TEAD1: variants seen among roughly 807,000 people sequenced by gnomAD.
The protein encoded by TEAD1 is TEA domain transcription factor 1.
A neutral mutation model predicts 54.9 loss-of-function variants in TEAD1; 9 were observed. The ratio of observed to expected loss-of-function variants is 0.16; its 90% CI spans 0.10 to 0.29. The LOEUF is 0.29. Ranked by LOEUF, TEAD1 falls within the 10% of genes least tolerant of loss-of-function variation. The probability of loss-of-function intolerance (pLI) is 1.00; values close to 1 mark genes in which losing one functional copy is unlikely to be tolerated. For missense variants in TEAD1, 387 were observed against 535.9 expected, an observed-to-expected ratio of 0.72 and a Z score of 2.74; for synonymous variants, 200 against 187.8, an observed-to-expected ratio of 1.07 and a Z score of -0.53.
chr11:12,704,715 TC>T (rs1455325171), intron 2 of TEAD1, among the ~76,000 whole-genome samples: 1 of 152,234 alleles, frequency 6.6e-6, no homozygotes, highest in Non-Finnish European at 1.5e-5. Context: ...TATCTTTGTA[TC>T]CTGCTTGGCA....
intron 9 of TEAD1, among the ~76,000 whole-genome samples, chr11:12,900,790 T>TG (rs1428211615): frequency 6.6e-6 from 1 of 152,172 alleles, no homozygotes; most frequent in Non-Finnish European, 1.5e-5. Context: ...GTTGGAGAAT[T>TG]GCCAGTTTTA....
Position 12,940,300 on chromosome 11 carries a change from T to C in TEAD1, c.*3078T>C, listed in dbSNP as rs1949148310. 1.3e-5 allele frequency: 2 copies of C among 152,208 alleles called. No individual in the cohort carries two copies. The highest frequency in any genetic ancestry group is 6.5e-5 in the Admixed American group (1 of 15,278). The allele number at this position is 152,208 out of a possible 1,614,324, so 9.4% of individuals were successfully genotyped here. ...TTCTGCAGAGCTGTCCTTTGCACTGTAGGAGATTTACTAATATCCCTGGCC... is the reference window on the plus strand; with the variant it reads ...TTCTGCAGAGCTGTCCTTTGCACTGCAGGAGATTTACTAATATCCCTGGCC... On this transcript the variant is annotated 3_prime_UTR_variant, in exon 13 of 13. Coordinates refer to ENST00000527636, the MANE Select transcript of TEAD1 (RefSeq NM_021961.6).
At chr11:12,784,850 C>A (rs1482214487) in intron 3 of TEAD1, among the ~76,000 whole-genome samples, 1 of 152,178 alleles carries the variant, frequency 6.6e-6, no homozygotes, top group Non-Finnish European at 1.5e-5. Context: ...TTTGGAGTTT[C>A]AGTTGCAAGG....
chr11:12,890,278 G>C (rs1733773928), intron 9 of TEAD1, among the ~76,000 whole-genome samples: 1 of 152,194 alleles, frequency 6.6e-6, no homozygotes, highest in Admixed American at 6.5e-5. Flanking sequence ...TGCCTGCAAA[G>C]TAGGAGCTCC....
At chr11:12,782,620 T>C (rs973882938) in intron 3 of TEAD1, among the ~76,000 whole-genome samples, 2 of 152,262 alleles carry the variant, frequency 1.3e-5, no homozygotes, top group Non-Finnish European at 2.9e-5. Flanking sequence ...GGGTGAGCTG[T>C]ATGAAATATG....
chr11:12,732,116 T>A (rs1313311591), intron 2 of TEAD1, among the ~76,000 whole-genome samples: 1 of 152,100 alleles, frequency 6.6e-6, no homozygotes. Context: ...TGACTTGACA[T>A]CTATCCTTAT....
At chr11:12,916,837 A>T (rs1365651218) in intron 10 of TEAD1, among the ~76,000 whole-genome samples, 2 of 152,208 alleles carry the variant, frequency 1.3e-5, no homozygotes, top group Admixed American at 1.3e-4. Context: ...AGCAAACAGA[A>T]CCTGAAGAAC....
At chr11:12,911,643 A>G (rs1423438193) in intron 10 of TEAD1, among the ~76,000 whole-genome samples, 2 of 151,332 alleles carry the variant, frequency 1.3e-5, no homozygotes, top group African/African-American at 2.4e-5. Flanking sequence ...GGGCTAATAC[A>G]TGTTAAATTT....
intron 9 of TEAD1, among the ~76,000 whole-genome samples, chr11:12,890,081 A>G (rs988173173): frequency 4.6e-5 from 7 of 152,166 alleles, no homozygotes; most frequent in African/African-American, 1.7e-4. Flanking sequence ...TGAGCTCTGT[A>G]TTAGTATGCT....
intron 3 of TEAD1, chr11:12,851,015 T>A: frequency 3.2e-6 from 3 of 945,742 alleles, no homozygotes; most frequent in Non-Finnish European, 3.8e-6. Context: ...CAGGTGATAT[T>A]GGCAGTGCTG....
intron 3 of TEAD1, among the ~76,000 whole-genome samples, chr11:12,825,665 G>T (rs1410816226): frequency 6.6e-6 from 1 of 152,122 alleles, no homozygotes. Context: ...GTTTCTAACA[G>T]TATAGAAATG....
chr11:12,808,737 C>T (rs1363450372), intron 3 of TEAD1, among the ~76,000 whole-genome samples: 1 of 152,202 alleles, frequency 6.6e-6, no homozygotes, highest in Non-Finnish European at 1.5e-5. Flanking sequence ...GCTGCAATTT[C>T]TCTGCCTTTA....
At chr11:12,741,070 C>G (rs539244312) in intron 2 of TEAD1, among the ~76,000 whole-genome samples, 1 of 152,078 alleles carries the variant, frequency 6.6e-6, no homozygotes, top group Non-Finnish European at 1.5e-5. Flanking sequence ...AACTTAGTAA[C>G]TATTTCCTTT....
intron 9 of TEAD1, among the ~76,000 whole-genome samples, chr11:12,887,165 T>C (rs1273618713): frequency 2.0e-5 from 3 of 150,980 alleles, no homozygotes; most frequent in African/African-American, 7.3e-5. Context: ...GGCGCGATCT[T>C]GGCTCACTGC....
At chr11:12,730,693 T>G (rs1201089842) in intron 2 of TEAD1, among the ~76,000 whole-genome samples, 1 of 113,832 alleles carries the variant, frequency 8.8e-6, no homozygotes, top group African/African-American at 3.5e-5. Flanking sequence ...TCTACATAGC[T>G]CTTTTTTTTT....
At chr11:12,850,025 C>G (rs577620229) in intron 3 of TEAD1, among the ~76,000 whole-genome samples, 2 of 152,144 alleles carry the variant, frequency 1.3e-5, no homozygotes, top group African/African-American at 2.4e-5. Flanking sequence ...GGGTTTATAC[C>G]AGATGCCATG....
intron 10 of TEAD1, among the ~76,000 whole-genome samples, chr11:12,924,142 G>T (rs562787513): frequency 6.6e-6 from 1 of 152,092 alleles, no homozygotes; most frequent in East Asian, 1.9e-4. Context: ...ATGCCCAGAA[G>T]CTAGAATGCA....
chr11:12,693,273 A>C (rs1943502551), intron 2 of TEAD1, among the ~76,000 whole-genome samples: 1 of 152,242 alleles, frequency 6.6e-6, no homozygotes, highest in Non-Finnish European at 1.5e-5. Flanking sequence ...CAGTCAGCAC[A>C]TGGGTGGAAA....
chr11:12,886,159 G>A (rs963694653), intron 9 of TEAD1, among the ~76,000 whole-genome samples: 1 of 152,224 alleles, frequency 6.6e-6, no homozygotes, highest in African/African-American at 2.4e-5. Context: ...AAGCTGAAGT[G>A]TATGTGGCAG....
Sources: allele counts gnomAD v4.1 joint callset (sites outside exome capture counted in the v4.1 genomes callset), GRCh38; gene constraint gnomAD v4.1.1; transcripts MANE v1.5; gene names NCBI Gene and HGNC (gene_info 2026-07-23, HGNC 2026-07-21).